The following AGFG1 variants were observed in gnomAD, a reference collection of about 807,000 sequenced individuals.
AGFG1 encodes ArfGAP with FG repeats 1, also known as arf-GAP domain and FG repeat-containing protein 1.
A neutral mutation model predicts 60.6 loss-of-function variants in AGFG1; 10 were observed. The ratio of observed to expected loss-of-function variants is 0.16; its 90% confidence interval spans 0.10 to 0.28. The LOEUF (loss-of-function observed/expected upper bound fraction) is 0.28. Among genes scored for constraint, AGFG1 ranks in the 10% least tolerant of loss-of-function variants. The probability of loss-of-function intolerance (pLI) is 1.00; values close to 1 mark genes in which losing one functional copy is unlikely to be tolerated. For synonymous variants in AGFG1, 247 were observed against 242.9 expected (o/e 1.02, Z -0.16); for missense variants, 537 against 676.5 (o/e 0.79, Z 2.29).
At chr2:227,514,093 C>T (rs1691581037) in intron 2 of AGFG1, among the ~76,000 whole-genome samples, 2 of 152,208 alleles carry the variant, frequency 1.3e-5, no homozygotes, top group South Asian at 4.1e-4. Flanking sequence ...GGGAGATCTA[C>T]AGCTTCCTGT....
At chr2:227,483,703 T>G (rs1690535588) in intron 1 of AGFG1, among the ~76,000 whole-genome samples, 1 of 152,238 alleles carries the variant, frequency 6.6e-6, no homozygotes, top group Non-Finnish European at 1.5e-5. Flanking sequence ...TTGTTTGTTT[T>G]TCCATTTTCT....
chr2:227,500,762 CTTTT>C (rs1200756722), intron 2 of AGFG1, among the ~76,000 whole-genome samples: 1 of 151,870 alleles, frequency 6.6e-6, no homozygotes, highest in African/African-American at 2.4e-5. Flanking sequence ...ATATATCTAT[CTTTT>C]TTATTTTTAA....
intron 2 of AGFG1, among the ~76,000 whole-genome samples, chr2:227,518,405 A>G (rs1167473316): frequency 6.6e-5 from 10 of 152,140 alleles, no homozygotes; most frequent in Admixed American, 6.5e-4. Flanking sequence ...ACCATTTTAC[A>G]TTCTAAAGAA....
At position 227,511,986 on chromosome 2, in the gene AGFG1, G is replaced by C. The variant is rs1247784267; in HGVS notation, c.262-7962G>C. Among the ~76,000 whole-genome samples the C allele has an allele frequency of 2.0e-5, 3 of 152,164 alleles. No individual in the cohort carries two copies. The East Asian group carries it at 5.8e-4, about 29-fold the overall frequency. ...GGTCACATTCTGTTAAGCCTAATAG[G>C]CTGTGATGAAGAATTTGATTTTTAC... is the stretch of plus-strand genomic sequence containing the variant. On this transcript the variant is annotated intron_variant, in intron 2 of 12. Transcript: ENST00000310078.
At chr2:227,483,412 C>A (rs930634289) in intron 1 of AGFG1, among the ~76,000 whole-genome samples, 1 of 152,136 alleles carries the variant, frequency 6.6e-6, no homozygotes, top group African/African-American at 2.4e-5. Flanking sequence ...TGAATCTTAA[C>A]ATATGTATAG....
chr2:227,549,500 T>C (rs1240784445), intron 10 of AGFG1, among the ~76,000 whole-genome samples: 1 of 152,240 alleles, frequency 6.6e-6, no homozygotes, highest in Non-Finnish European at 1.5e-5. Flanking sequence ...CATTGTATTT[T>C]AACCTGTAAA....
rs1471697075 is a variant in AGFG1, at chr2:227,524,762, TC to T, written c.545del (p.Pro182GlnfsTer3). 1 of 1,613,940 alleles carries T rather than the reference TC, an allele frequency of 6.2e-7. No individual in the cohort carries two copies. The highest frequency in any genetic ancestry group is 1.3e-5 in the African/African-American group (1 of 74,926). On this transcript the variant is annotated frameshift_variant and splice_region_variant, in exon 5 of 13. Transcript: ENST00000310078. LOFTEE classifies it high-confidence loss of function. ...TTTATAGTTAATATGTGGTTTGTAGTCCCCAGTTGTAGGTCGTTCTCAAGGG... is the reference window on the plus strand; with the variant it reads ...TTTATAGTTAATATGTGGTTTGTAGTCCCAGTTGTAGGTCGTTCTCAAGGG... ...LHLNKGTPSQ[S>X]PVVGRSQGQQ...
chr2:227,485,215 CTG>C (rs1161471812), intron 1 of AGFG1, among the ~76,000 whole-genome samples: 1 of 148,450 alleles, frequency 6.7e-6, no homozygotes, highest in African/African-American at 2.5e-5. Context: ...AAGATCTTCT[CTG>C]TCTTTGAAGT....
At chr2:227,542,954 A>G (rs559886090) in intron 10 of AGFG1, among the ~76,000 whole-genome samples, 69 of 152,196 alleles carry the variant, frequency 4.5e-4, no homozygotes, top group African/African-American at 1.5e-3. Context: ...AGAGGTGTTT[A>G]TAGTATTCTC....
At chr2:227,485,328 C>T (rs1214269307) in intron 1 of AGFG1, among the ~76,000 whole-genome samples, 2 of 150,654 alleles carry the variant, frequency 1.3e-5, no homozygotes, top group South Asian at 2.1e-4. Flanking sequence ...CCTCCAACTC[C>T]CAGGTTCAAG....
chr2:227,494,468 A>G (rs1344419186), intron 2 of AGFG1, among the ~76,000 whole-genome samples: 1 of 152,206 alleles, frequency 6.6e-6, no homozygotes, highest in Admixed American at 6.5e-5. Flanking sequence ...ATGCCTGAAG[A>G]TGAGTATTTC....
intron 10 of AGFG1, among the ~76,000 whole-genome samples, chr2:227,538,529 C>G (rs1231626443): frequency 6.6e-6 from 1 of 152,182 alleles, no homozygotes; most frequent in Non-Finnish European, 1.5e-5. Context: ...TATGTTTTGA[C>G]TGAGCCTAAT....
At chr2:227,544,146 CTTTTTTTTTTTTTT>C (rs71039605) in intron 10 of AGFG1, among the ~76,000 whole-genome samples, 4 of 75,800 alleles carry the variant, frequency 5.3e-5, no homozygotes, top group East Asian at 8.5e-4. Flanking sequence ...CATTCTGTGT[CTTTTTTTTTTTTTT>C]TTTTTTTTTT....
intron 1 of AGFG1, among the ~76,000 whole-genome samples, chr2:227,487,820 A>G (rs954999031): frequency 7.9e-5 from 12 of 152,212 alleles, no homozygotes; most frequent in African/African-American, 2.9e-4. Flanking sequence ...TAAGACATTG[A>G]TGGAATCAGT....
At chr2:227,532,574 T>G (rs1317365624) in intron 6 of AGFG1, among the ~76,000 whole-genome samples, 1 of 152,192 alleles carries the variant, frequency 6.6e-6, no homozygotes, top group Non-Finnish European at 1.5e-5. Context: ...TATATTTTTT[T>G]TAGAATGTAT....
At chr2:227,486,979 A>C (rs1307536976) in intron 1 of AGFG1, among the ~76,000 whole-genome samples, 2 of 152,192 alleles carry the variant, frequency 1.3e-5, no homozygotes, top group Non-Finnish European at 2.9e-5. Flanking sequence ...TCCAACCCAA[A>C]ATGTCAATAG....
Position 227,520,074 on chromosome 2 carries a change from A to G in AGFG1, c.377+11A>G. Reference sequence around the variant, plus strand: ...TGAAAAGAAAAGATGGTGAGTGAAGAGTTTGTATGTAGAATAAAGCCTCCC... The same window carrying G: ...TGAAAAGAAAAGATGGTGAGTGAAGGGTTTGTATGTAGAATAAAGCCTCCC... On this transcript the variant is annotated intron_variant, in intron 3 of 12. Transcript: ENST00000310078. 6.6e-7 allele frequency: 1 copy of G among 1,504,656 alleles called. No homozygotes were observed. The highest frequency in any genetic ancestry group is 2.3e-5 in the East Asian group (1 of 42,932). 93.2% of individuals were successfully genotyped at this position (1,504,656 alleles called of 1,614,324 possible).
At chr2:227,484,688 G>GTTTTTT (rs745570416) in intron 1 of AGFG1, among the ~76,000 whole-genome samples, 30 of 25,106 alleles carry the variant, frequency 1.2e-3, no homozygotes, top group African/African-American at 2.2e-3. Flanking sequence ...TTTTTTTTTT[G>GTTTTTT]TTTTTTTTTT....
intron 4 of AGFG1, 68 bp from the exon 5 acceptor site, chr2:227,524,694 A>G: frequency 6.5e-7 from 1 of 1,530,064 alleles, no homozygotes; most frequent in Non-Finnish European, 9.0e-7. Context: ...TTAAGTTTGC[A>G]GATAGTTTTG....
Sources: allele counts gnomAD v4.1 joint callset (sites outside exome capture counted in the v4.1 genomes callset), GRCh38; gene constraint gnomAD v4.1.1; transcripts MANE v1.5; gene names NCBI Gene and HGNC (gene_info 2026-07-23, HGNC 2026-07-21).